MTREX: variants seen among roughly 807,000 people sequenced by gnomAD.
The protein encoded by MTREX is exosome RNA helicase MTR4.
MTREX carries 76 observed loss-of-function variants against 135.4 expected under a neutral mutation model. The observed-to-expected ratio is 0.56, with a 90% CI of 0.47 to 0.68. The LOEUF is 0.68. Ranked by LOEUF, MTREX falls within the 30% of genes least tolerant of loss-of-function variation. The pLI, the probability that MTREX is intolerant of heterozygous loss-of-function variation, is 0.00. For synonymous variants in MTREX, 404 were observed against 401.6 expected (o/e 1.01, Z -0.07); for missense variants, 920 against 1,262.1 (o/e 0.73, Z 4.11).
chr5:55,425,426 CA>C lies in MTREX; in HGVS notation c.*658del, dbSNP rs1196853984. 8.3e-7 allele frequency: 1 copy of C among 1,204,984 alleles called. No homozygotes were observed. The highest frequency in any genetic ancestry group is 1.5e-5 in the African/African-American group (1 of 64,916). 74.6% of individuals were successfully genotyped at this position (1,204,984 alleles called of 1,614,324 possible). A position where few individuals can be genotyped will look rare whatever the true frequency, so the allele number is the denominator to read the frequency against. On this transcript the variant is annotated 3_prime_UTR_variant, in exon 27 of 27. Transcript: ENST00000230640. The stretch of plus-strand genomic sequence containing the variant: ...AACAGCATCCTAAGATAAATATAAA[CA>C]AAAGGATATACTTTGAGGTGTACAG...
At chr5:55,313,972 A>G (rs936524400) in intron 1 of MTREX, among the ~76,000 whole-genome samples, 3 of 151,956 alleles carry the variant, frequency 2.0e-5, no homozygotes, top group Non-Finnish European at 4.4e-5. Context: ...TCGTATATCA[A>G]TATGTAGAGA....
At chr5:55,312,308 C>G (rs1749127004) in intron 1 of MTREX, among the ~76,000 whole-genome samples, 1 of 152,074 alleles carries the variant, frequency 6.6e-6, no homozygotes, top group African/African-American at 2.4e-5. Context: ...GAGTTGTGCC[C>G]TAAGGAAGTT....
intron 14 of MTREX, among the ~76,000 whole-genome samples, chr5:55,353,996 C>A (rs1749869813): frequency 6.6e-6 from 1 of 152,132 alleles, no homozygotes; most frequent in Non-Finnish European, 1.5e-5. Context: ...ATGTCCAAGG[C>A]AGAAGCAAAG....
At position 55,416,119 on chromosome 5, in the gene MTREX, A is replaced by G; in HGVS notation, c.2958A>G (p.Thr986=). ...GATFAHICKM[T]DVFEGSIIRC... is the part of the protein sequence containing the mutation. ...CATTTGCCCATATCTGCAAAATGAC[A>G]GATGTCTTTGAAGGTATGGTTAAAT... is the stretch of plus-strand genomic sequence containing the variant. Residue 986 remains threonine, a synonymous_variant, in exon 25 of 27, where the codon ACA becomes ACG. Coordinates refer to ENST00000230640, the MANE Select transcript of MTREX (RefSeq NM_015360.5). The G allele has an allele frequency of 6.3e-7, 1 of 1,586,346 alleles. No homozygotes were observed. The highest frequency in any genetic ancestry group is 2.3e-5 in the East Asian group (1 of 43,294).
At chr5:55,359,590 T>C (rs1034344056) in intron 15 of MTREX, among the ~76,000 whole-genome samples, 5 of 152,214 alleles carry the variant, frequency 3.3e-5, no homozygotes, top group African/African-American at 1.2e-4. Context: ...TCTGTACATA[T>C]TCATAATAAT....
In MTREX at chr5:55,341,720, A is replaced by G. The variant is rs1579858533; in HGVS notation, c.730A>G (p.Arg244Gly). ...SMLYRGSEVMREVAWVIFDEI... is the reference protein window; with the variant it reads ...SMLYRGSEVMGEVAWVIFDEI... ...GCTTTACAGAGGTTCCGAAGTTATG[A>G]GAGAAGTTGCTTGGGTTATATTTGA... Residue 244 changes from arginine (R) to glycine (G), a missense_variant, in exon 7 of 27, where the codon AGA (arginine) becomes GGA (glycine). This residue lies in a region of MTREX where 88 missense variants were observed against 202.5 expected (regional missense o/e 0.43). Coordinates refer to ENST00000230640, the MANE Select transcript of MTREX (RefSeq NM_015360.5). 1 of 1,598,468 alleles carries G rather than the reference A, an allele frequency of 6.3e-7. No homozygotes were observed.
intron 14 of MTREX, 23 bp downstream of exon 14, chr5:55,353,292 C>G (rs1415960752): frequency 2.7e-6 from 4 of 1,495,206 alleles, no homozygotes; most frequent in Middle Eastern, 3.5e-4. Flanking sequence ...ATTCATATAT[C>G]AAAATAATTT....
At position 55,424,705 on chromosome 5, in the gene MTREX, TTTC is replaced by T; in HGVS notation, c.3077-12_3077-10del. On this transcript the variant is annotated splice_polypyrimidine_tract_variant and intron_variant, in intron 26 of 26. Coordinates refer to ENST00000230640, the MANE Select transcript of MTREX (RefSeq NM_015360.5). ...GTGGTCTTGAAAGTTTAAACCTTAC[TTTC>T]TTTTCTCTTAGGAATCACCAAAATC... The T allele has an allele frequency of 6.2e-7, 1 of 1,604,368 alleles. No individual in the cohort carries two copies. Among genetic ancestry groups the T allele is most frequent in the Non-Finnish European group, 8.5e-7 (1 of 1,171,318 alleles).
chr5:55,327,717 T>TGCACTTC lies in MTREX; in HGVS notation c.341_342insGCACTTC (p.Ala115HisfsTer14), dbSNP rs1749405968. ...TTTTCTTTTTTACTTTGTTGTCAGG[T>TGCACTTC]TGCACTTCCTGCAGAAGAGGATTAT... On this transcript the variant is annotated frameshift_variant and splice_region_variant, in exon 4 of 27. Transcript: ENST00000230640. LOFTEE classifies it high-confidence loss of function. 3 of 1,612,526 alleles carry TGCACTTC rather than the reference T, an allele frequency of 1.9e-6. No individual in the cohort carries two copies.
chr5:55,335,565 C>T (rs1000691299), intron 5 of MTREX, among the ~76,000 whole-genome samples: 1 of 152,016 alleles, frequency 6.6e-6, no homozygotes, highest in Non-Finnish European at 1.5e-5. Context: ...ACTATCTTTT[C>T]CCATTGAATT....
At chr5:55,403,522 A>G (rs1314029330) in intron 21 of MTREX, among the ~76,000 whole-genome samples, 1 of 152,244 alleles carries the variant, frequency 6.6e-6, no homozygotes, top group Non-Finnish European at 1.5e-5. Flanking sequence ...AAATACAAAC[A>G]TTACTCAAGA....
At chr5:55,411,571 T>C (rs939641692) in intron 23 of MTREX, among the ~76,000 whole-genome samples, 5 of 152,118 alleles carry the variant, frequency 3.3e-5, no homozygotes, top group African/African-American at 9.7e-5. Flanking sequence ...ATTAATCAGA[T>C]CAAATATATT....
intron 25 of MTREX, among the ~76,000 whole-genome samples, chr5:55,421,344 G>A (rs1167959640): frequency 6.6e-6 from 1 of 152,190 alleles, no homozygotes; most frequent in African/African-American, 2.4e-5. Context: ...TAGTGTTTGT[G>A]CACATACCCA....
intron 5 of MTREX, among the ~76,000 whole-genome samples, chr5:55,334,830 A>T (rs73122209): frequency 0.024 from 3,602 of 152,138 alleles, 137 homozygotes; most frequent in African/African-American, 0.083. Context: ...AAGTGGACCT[A>T]TGTTTTCGTT....
At chr5:55,412,193 T>C (rs1750893891) in intron 23 of MTREX, among the ~76,000 whole-genome samples, 1 of 152,190 alleles carries the variant, frequency 6.6e-6, no homozygotes, top group African/African-American at 2.4e-5. Flanking sequence ...GGATTTTTCT[T>C]GATGCTTTTA....
At chr5:55,402,872 G>GTGTGTGTGTGTGTGTGTGTA (rs70992784) in intron 21 of MTREX, among the ~76,000 whole-genome samples, 2 of 138,850 alleles carry the variant, frequency 1.4e-5, no homozygotes, top group African/African-American at 5.4e-5. Flanking sequence ...GTGTGTGTGT[G>GTGTGTGTGTGTGTGTGTGTA]TATATATATA....
intron 25 of MTREX, among the ~76,000 whole-genome samples, chr5:55,418,054 G>A (rs954572394): frequency 1.3e-5 from 2 of 151,532 alleles, no homozygotes; most frequent in East Asian, 3.9e-4. Context: ...CTAACACGGT[G>A]AAACCCCGTC....
intron 13 of MTREX, 29 bp downstream of exon 13, chr5:55,351,058 C>T (rs1295463531): frequency 6.4e-7 from 1 of 1,567,288 alleles, no homozygotes; most frequent in South Asian, 1.2e-5. Flanking sequence ...TTTTTATGCC[C>T]CCATATCATG....
At chr5:55,407,263 A>G (rs1750822498) in intron 22 of MTREX, among the ~76,000 whole-genome samples, 1 of 152,158 alleles carries the variant, frequency 6.6e-6, no homozygotes, top group Non-Finnish European at 1.5e-5. Flanking sequence ...TAGCCACCAA[A>G]AGGGGGCAGT....
Sources: gnomAD v4.1 joint callset for allele counts (sites outside exome capture counted in the v4.1 genomes callset) on GRCh38, gnomAD v4.1.1 for gene constraint, gnomAD v4.1.1 regional missense constraint, MANE v1.5 for transcripts, NCBI Gene and HGNC (gene_info 2026-07-23, HGNC 2026-07-21) for gene names.